The following PPP1R1C variants were observed in gnomAD, a reference collection of about 807,000 sequenced individuals.
The protein encoded by PPP1R1C is protein phosphatase 1 regulatory subunit 1C.
In PPP1R1C, 15 loss-of-function variants were observed where a neutral mutation model predicts 17.4. The ratio of observed to expected loss-of-function variants is 0.86; its 90% CI spans 0.58 to 1.33. The LOEUF (loss-of-function observed/expected upper bound fraction) is 1.33, where lower values mean the gene tolerates loss of function less well. Among genes scored for constraint, PPP1R1C ranks in the 40% most tolerant of loss-of-function variants. The pLI is 0.00. For synonymous variants in PPP1R1C, 35 were observed against 43.1 expected (o/e 0.81, Z 0.73); for missense variants, 143 against 130.0 (o/e 1.10, Z -0.48).
downstream of PPP1R1C, chr2:182,130,854 T>C (rs558763716): frequency 1.3e-5 from 2 of 152,332 alleles, no homozygotes; most frequent in East Asian, 3.9e-4. Flanking sequence ...GTTTAAAAAT[T>C]AAAATGACAT....
At chr2:182,074,691 G>A (rs1302598249) in intron 4 of PPP1R1C, among the ~76,000 whole-genome samples, 1 of 152,044 alleles carries the variant, frequency 6.6e-6, no homozygotes, top group Non-Finnish European at 1.5e-5. Context: ...ACTTCAAAAA[G>A]GAGCCTGATC....
chr2:182,079,885 GTC>G (rs1318631943), intron 4 of PPP1R1C, among the ~76,000 whole-genome samples: 4 of 152,044 alleles, frequency 2.6e-5, no homozygotes, highest in Non-Finnish European at 5.9e-5. Flanking sequence ...GCTCTTCTGT[GTC>G]TCTGTGTGTT....
At chr2:182,092,165 GT>G (rs201828814) in intron 4 of PPP1R1C, among the ~76,000 whole-genome samples, 2,160 of 152,234 alleles carry the variant, frequency 0.014, 30 homozygotes, top group South Asian at 0.056. Flanking sequence ...AAAGAAAGAG[GT>G]TTATTGGACT....
At chr2:182,048,258 A>C (rs77379763) in intron 2 of PPP1R1C, among the ~76,000 whole-genome samples, 2 of 152,158 alleles carry the variant, frequency 1.3e-5, no homozygotes, top group African/African-American at 4.8e-5. Flanking sequence ...TAACTCTAAG[A>C]ACTCAAAGAA....
intron 2 of PPP1R1C, among the ~76,000 whole-genome samples, chr2:182,034,918 T>C (rs377280247): frequency 2.6e-5 from 4 of 152,382 alleles, no homozygotes; most frequent in African/African-American, 9.6e-5. Context: ...TGGATTGAAC[T>C]GTACTCCTGT....
At chr2:182,090,886 C>T (rs2125220685) in intron 4 of PPP1R1C, among the ~76,000 whole-genome samples, 1 of 152,220 alleles carries the variant, frequency 6.6e-6, no homozygotes, top group South Asian at 2.1e-4. Context: ...TACTTAAAAA[C>T]ATAAAAACTT....
chr2:182,030,728 T>A (rs201808164), intron 2 of PPP1R1C, among the ~76,000 whole-genome samples: 4 of 149,534 alleles, frequency 2.7e-5, no homozygotes, highest in South Asian at 2.2e-4. Context: ...CCTTGAGCTG[T>A]GGTGGGCTCC....
chr2:182,033,279 T>C (rs962369819), intron 2 of PPP1R1C, among the ~76,000 whole-genome samples: 2 of 152,176 alleles, frequency 1.3e-5, no homozygotes, highest in African/African-American at 4.8e-5. Flanking sequence ...ATGACACCTA[T>C]ACTTACTCTC....
chr2:182,064,878 C>T (rs190756378), intron 4 of PPP1R1C, among the ~76,000 whole-genome samples: 1 of 152,122 alleles, frequency 6.6e-6, no homozygotes, highest in East Asian at 1.9e-4. Context: ...TCAGTTTTGG[C>T]ATGAATGGGC....
At chr2:182,071,931 A>G (rs897693458) in intron 4 of PPP1R1C, among the ~76,000 whole-genome samples, 2 of 152,294 alleles carry the variant, frequency 1.3e-5, no homozygotes, top group East Asian at 3.9e-4. Flanking sequence ...CTCTAGGCTC[A>G]TTTTATGTAT....
At chr2:182,006,992 G>C (rs769527657) in intron 2 of PPP1R1C, among the ~76,000 whole-genome samples, 14 of 152,026 alleles carry the variant, frequency 9.2e-5, no homozygotes, top group Non-Finnish European at 1.8e-4. Context: ...TATAAAAATT[G>C]CTTATTGGTT....
Position 182,063,764 on chromosome 2 carries a change from AG to A in PPP1R1C, c.215del (p.Ser72MetfsTer8). On this transcript the variant is annotated frameshift_variant, in exon 4 of 5. Coordinates refer to ENST00000682840, the MANE Select transcript of PPP1R1C (RefSeq NM_001080545.3). LOFTEE classifies it high-confidence loss of function. The part of the protein sequence containing the change: ...QNASPKQRKQ[S>X]VYTPPTIKGV... ...TGCATCCCCTAAGCAAAGGAAGCAG[AG>A]TGTGTACACACCACCCACCATAAAA... The A allele has an allele frequency of 6.2e-7, 1 of 1,612,938 alleles. No homozygotes were observed. Among genetic ancestry groups the A allele is most frequent in the Non-Finnish European group, 8.5e-7 (1 of 1,179,148 alleles).
At chr2:181,993,004 T>C (rs1202536637) in intron 2 of PPP1R1C, among the ~76,000 whole-genome samples, 1 of 152,148 alleles carries the variant, frequency 6.6e-6, no homozygotes, top group Non-Finnish European at 1.5e-5. Flanking sequence ...ATGTAGCATA[T>C]TACTTTCTAA....
intron 4 of PPP1R1C, among the ~76,000 whole-genome samples, chr2:182,096,661 T>A (rs1688949348): frequency 6.8e-6 from 1 of 147,586 alleles, no homozygotes; most frequent in Non-Finnish European, 1.5e-5. Context: ...TTTACTTTAC[T>A]GGGATTCCCT....
chr2:182,030,189 G>A (rs1037191734), intron 2 of PPP1R1C, among the ~76,000 whole-genome samples: 12 of 151,562 alleles, frequency 7.9e-5, no homozygotes, highest in South Asian at 2.1e-4. Flanking sequence ...TAATTTGATC[G>A]TCTGAAGCCT....
chr2:182,013,132 T>A (rs1209907098), intron 2 of PPP1R1C, among the ~76,000 whole-genome samples: 1 of 152,152 alleles, frequency 6.6e-6, no homozygotes, highest in Non-Finnish European at 1.5e-5. Flanking sequence ...TTTTGTACCT[T>A]CAGATGATTT....
intron 4 of PPP1R1C, among the ~76,000 whole-genome samples, chr2:182,071,036 C>T (rs1156288751): frequency 6.6e-6 from 1 of 152,162 alleles, no homozygotes; most frequent in Non-Finnish European, 1.5e-5. Flanking sequence ...CCACCAAGCC[C>T]CACCTCCAAC....
At position 181,957,259 on chromosome 2, in the gene PPP1R1C, C is replaced by A. The variant is rs1372711101; in HGVS notation, n.111+2625C>A. On this transcript the variant is annotated intron_variant and non_coding_transcript_variant, in intron 1 of 5. Coordinates refer to the PPP1R1C transcript ENST00000464264. This position sits in a 1 kb window ranked among gnomAD's most constrained non-coding sequence, Gnocchi z 4.2. ...CCTGTAATCCCAGCTATTCAGGAGG[C>A]TGAGGCAGAATTGCTTGAACCCGGG... 6.6e-6 allele frequency among the ~76,000 whole-genome samples: 1 copy of A among 152,152 alleles called. No homozygotes were observed. Among genetic ancestry groups the A allele is most frequent in the Non-Finnish European group, 1.5e-5 (1 of 68,040 alleles).
At chr2:182,112,742 C>A (rs1015204710) in intron 4 of PPP1R1C, among the ~76,000 whole-genome samples, 4 of 152,050 alleles carry the variant, frequency 2.6e-5, no homozygotes. Flanking sequence ...AAACTATTGA[C>A]CTCCTTCCCT....
Sources: gnomAD v4.1 joint callset for allele counts (sites outside exome capture counted in the v4.1 genomes callset) on GRCh38, gnomAD v4.1.1 for gene constraint, Gnocchi (gnomAD v3.1) non-coding constraint, MANE v1.5 for transcripts, NCBI Gene and HGNC (gene_info 2026-07-23, HGNC 2026-07-21) for gene names.